ATP11A: variants seen among roughly 807,000 people sequenced by gnomAD.
ATP11A encodes ATPase phospholipid transporting 11A, also known as phospholipid-transporting ATPase IH.
In ATP11A, 81 loss-of-function variants were observed where a neutral mutation model predicts 154.4. The observed-to-expected ratio is 0.52, with a 90% CI of 0.44 to 0.63. ATP11A has a LOEUF of 0.63. Among genes scored for constraint, ATP11A ranks in the 30% least tolerant of loss-of-function variants. ATP11A has a pLI of 0.00. For missense variants in ATP11A, 1,316 were observed against 1,474.3 expected (o/e 0.89, Z 1.76); for synonymous variants, 623 against 585.9 (o/e 1.06, Z -0.91).
In ATP11A at chr13:112,831,357, G is replaced by A. The variant is rs370830296; in HGVS notation, c.1222-18G>A. 9.0e-5 allele frequency: 145 copies of A among 1,611,232 alleles called. No individual in the cohort carries two copies. Among genetic ancestry groups the A allele is most frequent in the Non-Finnish European group, 1.2e-4 (141 of 1,177,784 alleles). On this transcript the variant is annotated intron_variant, in intron 12 of 29. Transcript: ENST00000375645. ...GGCCTCCCTCAGAGCGCCCTGACTT[G>A]CTGTGCCCTGCCCGCAGGTGGAGTA...
rs527321183 is a variant in ATP11A at position 112,851,333 on chromosome 13, G to A, written c.1991+115G>A. ...AGGCCATCCGCACAGCCGACGGGGC[G>A]TGTTTGCTGCTCAGGGAGAGGCTAG... On this transcript the variant is annotated intron_variant, in intron 18 of 29. Coordinates refer to ENST00000375645, the MANE Select transcript of ATP11A (RefSeq NM_015205.3). 3.4e-4 allele frequency: 342 copies of A among 1,005,080 alleles called. 1 individual carries two copies. The African/African-American group carries it at 4.3e-3, about 12-fold the overall frequency. The allele number at this position is 1,005,080 out of a possible 1,614,324, so 62.3% of individuals were successfully genotyped here. A position where few individuals can be genotyped will look rare whatever the true frequency, so the allele number is the denominator to read the frequency against.
At chr13:112,765,143 GCC>G (rs1179660080) in intron 1 of ATP11A, among the ~76,000 whole-genome samples, 2 of 54,794 alleles carry the variant, frequency 3.7e-5, no homozygotes, top group East Asian at 1.3e-3. Context: ...TGGCTGGCTT[GCC>G]CCCCCTCCCC....
At position 112,818,136 on chromosome 13, in the gene ATP11A, G is replaced by A. The variant is rs138465183; in HGVS notation, c.571-1168G>A. 4.0e-3 allele frequency among the ~76,000 whole-genome samples: 612 copies of A among 151,508 alleles called. 4 individuals are homozygous for A. Among genetic ancestry groups the A allele is most frequent in the African/African-American group, 0.014 (569 of 41,244 alleles). ...GGAACAGTGACCGTTTGTGCGCTTG[G>A]TGACACGGCGGTGACCGTGTGTGCG... On this transcript the variant is annotated intron_variant, in intron 6 of 29. Coordinates refer to ENST00000375645, the MANE Select transcript of ATP11A (RefSeq NM_015205.3).
intron 1 of ATP11A, among the ~76,000 whole-genome samples, chr13:112,692,816 C>T (rs987914999): frequency 4.6e-5 from 7 of 152,142 alleles, no homozygotes; most frequent in African/African-American, 1.7e-4. Context: ...CAGTCATGAT[C>T]TGTTTTCTTG....
At chr13:112,792,156 C>T in intron 2 of ATP11A, among the ~76,000 whole-genome samples, 1 of 152,134 alleles carries the variant, frequency 6.6e-6, no homozygotes, top group East Asian at 1.9e-4. Flanking sequence ...CCGGCAATAC[C>T]TCTTTTGCTA....
At chr13:112,840,689 A>G (rs562993036) in intron 16 of ATP11A, among the ~76,000 whole-genome samples, 1 of 151,892 alleles carries the variant, frequency 6.6e-6, no homozygotes, top group African/African-American at 2.4e-5. Flanking sequence ...CCTCAGCCAC[A>G]TGAGCGTCAA....
intron 1 of ATP11A, among the ~76,000 whole-genome samples, chr13:112,758,768 C>G (rs374728871): frequency 6.6e-6 from 1 of 152,210 alleles, no homozygotes; most frequent in Admixed American, 6.5e-5. Context: ...CACTTGAAAT[C>G]AAATACTCCA....
chr13:112,771,709 C>T (rs532595310), intron 1 of ATP11A, among the ~76,000 whole-genome samples: 4 of 152,320 alleles, frequency 2.6e-5, no homozygotes, highest in South Asian at 2.1e-4. Context: ...TGGTGCTTCC[C>T]GTCACTCGGG....
In ATP11A at chr13:112,883,889, C is replaced by A. The variant is rs951040620; in HGVS notation, c.*2023C>A. 2 of 152,572 alleles carry A rather than the reference C, an allele frequency of 1.3e-5. No homozygotes were observed. The highest frequency in any genetic ancestry group is 2.9e-5 in the Non-Finnish European group (2 of 68,040). 9.5% of individuals were successfully genotyped at this position (152,572 alleles called of 1,614,324 possible). On this transcript the variant is annotated 3_prime_UTR_variant, in exon 30 of 30. Transcript: ENST00000375645. ...GTAACACCTGTAGCGGGGGCAGATTCTCTGTATGTTCAGTTAACAAATTAT... is the reference window on the plus strand; with the variant it reads ...GTAACACCTGTAGCGGGGGCAGATTATCTGTATGTTCAGTTAACAAATTAT...
In ATP11A at chr13:112,692,955, G is replaced by T. The variant is rs940341959; in HGVS notation, c.39+2500G>T. ...GTGACTTACTTTATTAAAAAGGATA[G>T]ATAAATAGACCCTGTTCCTTCTTGG... is the stretch of plus-strand genomic sequence containing the variant. On this transcript the variant is annotated intron_variant, in intron 1 of 29. Transcript: ENST00000375645. Among the ~76,000 whole-genome samples, 4 of 152,212 alleles carry T rather than the reference G, an allele frequency of 2.6e-5. No individual in the cohort carries two copies. The South Asian group carries it at 8.3e-4, about 32-fold the overall frequency.
rs780753588 is a variant in ATP11A at position 112,777,859 on chromosome 13, G to A, written c.40-7276G>A. Among the ~76,000 whole-genome samples, 4 of 151,552 alleles carry A rather than the reference G, an allele frequency of 2.6e-5. No individual in the cohort carries two copies. The South Asian group carries it at 8.4e-4, about 32-fold the overall frequency. Reference sequence around the variant, plus strand: ...AAGCCCTGCCGCTCCCTCCCCATGCGCTCCCCACACGCCGCTCACCGTGCC... The same window carrying A: ...AAGCCCTGCCGCTCCCTCCCCATGCACTCCCCACACGCCGCTCACCGTGCC... On this transcript the variant is annotated intron_variant, in intron 1 of 29. Transcript: ENST00000375645.
intron 1 of ATP11A, among the ~76,000 whole-genome samples, chr13:112,730,220 G>T (rs970407378): frequency 6.6e-6 from 1 of 152,236 alleles, no homozygotes; most frequent in African/African-American, 2.4e-5. Flanking sequence ...CCTCGGAGGA[G>T]TCCAATCTGC....
In ATP11A at chr13:112,833,078, C is replaced by G. The variant is rs1198034196; in HGVS notation, c.1559+55C>G. 5.1e-6 allele frequency: 8 copies of G among 1,570,448 alleles called. No homozygotes were observed. In the African/African-American group the frequency reaches 8.1e-5, roughly 16 times the overall value. ...TTTCCTGATGTGACTCAGCCCCTCC[C>G]CAGCCCCAGTCAGGGATTTGCACCT... On this transcript the variant is annotated intron_variant, in intron 14 of 29. Transcript: ENST00000375645.
rs1566582254 is a variant in ATP11A at position 112,859,350 on chromosome 13, C to CA, written c.2668-43_2668-42insA. The CA allele has an allele frequency of 6.3e-7, 1 of 1,585,620 alleles. No individual in the cohort carries two copies. Among genetic ancestry groups the CA allele is most frequent in the Non-Finnish European group, 8.7e-7 (1 of 1,154,206 alleles). Reference sequence around the variant, plus strand: ...ACGTCGGTAGGTGGCGGCTGCCTCCCTCTGTCCCGTCACCGAACTAACAGT... The same window carrying CA: ...ACGTCGGTAGGTGGCGGCTGCCTCCCATCTGTCCCGTCACCGAACTAACAGT... On this transcript the variant is annotated intron_variant, in intron 22 of 29. Transcript: ENST00000375645. The surrounding 1 kb of genome is among the most constrained non-coding windows in gnomAD (Gnocchi z 4.3).
intron 1 of ATP11A, among the ~76,000 whole-genome samples, chr13:112,769,483 C>G (rs1338893876): frequency 6.6e-6 from 1 of 152,228 alleles, no homozygotes; most frequent in Admixed American, 6.5e-5. Context: ...TGGCCAGAGC[C>G]AAAACCAGGT....
At chr13:112,821,396 C>T (rs534375886) in intron 8 of ATP11A, among the ~76,000 whole-genome samples, 2 of 152,308 alleles carry the variant, frequency 1.3e-5, no homozygotes, top group East Asian at 3.9e-4. Flanking sequence ...TCACTGCAGC[C>T]TCCACCTCCC....
In ATP11A at chr13:112,810,725, G is replaced by A. The variant is rs371697541; in HGVS notation, c.440G>A (p.Arg147Gln). The part of the protein sequence containing the change: ...KLVRKQSRKL[R>Q]VGDIVMVKED... The stretch of plus-strand genomic sequence containing the variant: ...GTTCGGAAACAAAGTCGAAAGCTGC[G>A]AGTAAGTGACACCCGACACATTTAC... Residue 147 changes from arginine (R) to glutamine (Q), a missense_variant and splice_region_variant, in exon 5 of 30, where the codon CGA becomes CAA. This residue lies in a region of ATP11A where 876 missense variants were observed against 1,006.8 expected (regional missense o/e 0.87). Transcript: ENST00000375645. 4.0e-5 allele frequency: 65 copies of A among 1,613,600 alleles called. No homozygotes were observed. Among genetic ancestry groups the A allele is most frequent in the Non-Finnish European group, 5.2e-5 (61 of 1,179,664 alleles).
intron 1 of ATP11A, among the ~76,000 whole-genome samples, chr13:112,704,813 A>C (rs777318034): frequency 6.6e-6 from 1 of 152,224 alleles, no homozygotes; most frequent in Non-Finnish European, 1.5e-5. Flanking sequence ...TATTTTCAGC[A>C]AAGGATTAGG....
chr13:112,824,206 C>G (rs901317382), intron 9 of ATP11A, 138 bp from the exon 10 acceptor site: 9 of 672,054 alleles, frequency 1.3e-5, no homozygotes, highest in African/African-American at 5.3e-5. Flanking sequence ...TGTTATGTGG[C>G]TATGGACACT....
Sources: gnomAD v4.1 joint callset for allele counts (sites outside exome capture counted in the v4.1 genomes callset) on GRCh38, gnomAD v4.1.1 for gene constraint, gnomAD v4.1.1 regional missense constraint, Gnocchi (gnomAD v3.1) non-coding constraint, MANE v1.5 for transcripts, NCBI Gene and HGNC (gene_info 2026-07-23, HGNC 2026-07-21) for gene names.